FRMD6: variants seen among roughly 807,000 people sequenced by gnomAD.
The protein encoded by FRMD6 is FERM domain-containing protein 6.
A neutral mutation model predicts 73.2 loss-of-function variants in FRMD6; 37 were observed. That is an observed-to-expected ratio of 0.51 (90% confidence interval 0.39 to 0.66). The LOEUF is 0.66. FRMD6 is among the 30% of genes least tolerant of loss of function. FRMD6 has a pLI of 0.00. For missense variants in FRMD6, 714 were observed against 780.5 expected (o/e 0.91, Z 1.02); for synonymous variants, 273 against 282.2 (o/e 0.97, Z 0.33).
intron 2 of FRMD6, among the ~76,000 whole-genome samples, chr14:51,697,708 A>T (rs889917351): frequency 9.2e-5 from 14 of 152,260 alleles, no homozygotes; most frequent in African/African-American, 3.1e-4. Flanking sequence ...CAGTATATAC[A>T]TATATCAAAA....
intron 1 of FRMD6, among the ~76,000 whole-genome samples, chr14:51,493,033 G>C (rs904563229): frequency 2.0e-5 from 3 of 152,192 alleles, no homozygotes; most frequent in Non-Finnish European, 2.9e-5. Context: ...TGATTCAGCA[G>C]ATGGGGAAAC....
chr14:51,404,042 T>C, the FRMD6 span, among the ~76,000 whole-genome samples: 1 of 152,236 alleles, frequency 6.6e-6, no homozygotes, highest in African/African-American at 2.4e-5. Flanking sequence ...GTCTAAGTGT[T>C]ATGTACCACA....
At chr14:51,516,426 G>T (rs925458989) in intron 1 of FRMD6, among the ~76,000 whole-genome samples, 1 of 152,116 alleles carries the variant, frequency 6.6e-6, no homozygotes, top group Non-Finnish European at 1.5e-5. Context: ...CATCAGACTC[G>T]GACAGTTAGC....
chr14:51,649,467 G>C (rs1236034466), upstream of FRMD6: 1 of 151,854 alleles, frequency 6.6e-6, no homozygotes, highest in Non-Finnish European at 1.5e-5. Context: ...TTGTTTATCT[G>C]TTAGATTTTG....
At chr14:51,638,810 C>A (rs141947446) in intron 2 of FRMD6, among the ~76,000 whole-genome samples, 6 of 152,260 alleles carry the variant, frequency 3.9e-5, no homozygotes, top group African/African-American at 1.4e-4. Flanking sequence ...TCCAACACTG[C>A]CCTATTGACT....
At chr14:51,699,503 T>C (rs933239172) in intron 3 of FRMD6, among the ~76,000 whole-genome samples, 3 of 152,090 alleles carry the variant, frequency 2.0e-5, no homozygotes, top group Admixed American at 1.3e-4. Context: ...ATTTTTAAGA[T>C]GTCCTTTTTA....
intron 11 of FRMD6, among the ~76,000 whole-genome samples, chr14:51,720,739 A>T (rs1258602890): frequency 1.3e-5 from 2 of 152,232 alleles, no homozygotes; most frequent in Non-Finnish European, 2.9e-5. Flanking sequence ...GTGCAGTAAT[A>T]GTGACAGAAA....
At chr14:51,644,413 T>TCC (rs1268879348) in intron 2 of FRMD6, among the ~76,000 whole-genome samples, 14 of 149,406 alleles carry the variant, frequency 9.4e-5, no homozygotes, top group Admixed American at 3.4e-4. Context: ...TCTCTCTCTC[T>TCC]CCCTCCCTGA....
chr14:51,602,699 A>G (rs1226953433), intron 2 of FRMD6, among the ~76,000 whole-genome samples: 3 of 152,246 alleles, frequency 2.0e-5, no homozygotes, highest in African/African-American at 7.2e-5. Flanking sequence ...AAAGCCTGTC[A>G]ACTACTGATT....
chr14:51,700,981 CTTGT>C (rs1342515050), intron 3 of FRMD6, 71 bp from the exon 4 acceptor site: 1 of 663,122 alleles, frequency 1.5e-6, no homozygotes, highest in African/African-American at 1.9e-5. Flanking sequence ...TTAAAAGAAA[CTTGT>C]TTCTTTCTAT....
At chr14:51,556,048 A>G (rs1284419356) in intron 1 of FRMD6, among the ~76,000 whole-genome samples, 1 of 152,198 alleles carries the variant, frequency 6.6e-6, no homozygotes, top group Non-Finnish European at 1.5e-5. Flanking sequence ...CTTCAAAACT[A>G]GGGCTAAGTA....
intron 1 of FRMD6, among the ~76,000 whole-genome samples, chr14:51,528,043 G>A (rs1885362210): frequency 6.6e-6 from 1 of 152,174 alleles, no homozygotes; most frequent in Non-Finnish European, 1.5e-5. Context: ...TCCAGAGGCT[G>A]AGTCCAGAGG....
intron 1 of FRMD6, among the ~76,000 whole-genome samples, chr14:51,679,488 C>A (rs551675136): frequency 3.2e-4 from 49 of 150,770 alleles, no homozygotes; most frequent in African/African-American, 1.1e-3. Flanking sequence ...TTTGTCGTTT[C>A]CCCCACCTTC....
intron 1 of FRMD6, among the ~76,000 whole-genome samples, chr14:51,688,475 G>A (rs1895326382): frequency 6.6e-6 from 1 of 151,904 alleles, no homozygotes; most frequent in Non-Finnish European, 1.5e-5. Context: ...CTGCTGATAA[G>A]AGTTATACAT....
intron 7 of FRMD6, among the ~76,000 whole-genome samples, chr14:51,710,032 A>G (rs539856336): frequency 6.6e-6 from 1 of 152,202 alleles, no homozygotes; most frequent in East Asian, 1.9e-4. Flanking sequence ...TTTTTGCCTT[A>G]TTTGCTGGGG....
chr14:51,507,196 G>A (rs989813354), intron 1 of FRMD6, among the ~76,000 whole-genome samples: 5 of 151,324 alleles, frequency 3.3e-5, no homozygotes, highest in South Asian at 4.2e-4. Context: ...AGCTACGGTC[G>A]GCTAACCCTG....
At chr14:51,555,998 G>A (rs1438084106) in intron 1 of FRMD6, among the ~76,000 whole-genome samples, 3 of 152,154 alleles carry the variant, frequency 2.0e-5, no homozygotes, top group African/African-American at 7.2e-5. Context: ...TTTGCCTTCT[G>A]AGGTAGTCAT....
chr14:51,402,707 C>T, the FRMD6 span, among the ~76,000 whole-genome samples: 17 of 150,080 alleles, frequency 1.1e-4, no homozygotes, highest in African/African-American at 3.7e-4. Flanking sequence ...GGCATGATCT[C>T]GGCTCACTGC....
chr14:51,592,338 G>C (rs1015599648), intron 2 of FRMD6, among the ~76,000 whole-genome samples: 1 of 152,126 alleles, frequency 6.6e-6, no homozygotes, highest in African/African-American at 2.4e-5. Flanking sequence ...AGGCATTTGG[G>C]TTATTGCGTG....
Sources: allele counts gnomAD v4.1 joint callset (sites outside exome capture counted in the v4.1 genomes callset), GRCh38; gene constraint gnomAD v4.1.1; transcripts MANE v1.5; gene names NCBI Gene and HGNC (gene_info 2026-07-23, HGNC 2026-07-21).